The following SDK1 variants were observed in gnomAD, a reference collection of about 807,000 sequenced individuals.
SDK1 encodes the protein sidekick cell adhesion molecule 1, also known as protein sidekick-1.
Under a neutral mutation model 245.5 loss-of-function variants are expected in SDK1, and 157 were observed. That is an observed-to-expected ratio of 0.64 (90% confidence interval 0.56 to 0.73). The LOEUF is 0.73. Among genes scored for constraint, SDK1 ranks in the 30% least tolerant of loss-of-function variants. SDK1 has a pLI of 0.00. For synonymous variants in SDK1, 1,647 were observed against 1,278.5 expected, an observed-to-expected ratio of 1.29 and a Z score of -6.15; for missense variants, 3,583 against 3,002.3, an observed-to-expected ratio of 1.19 and a Z score of -4.52.
intron 4 of SDK1, among the ~76,000 whole-genome samples, chr7:3,702,048 A>G (rs1172673346): frequency 1.3e-5 from 2 of 152,172 alleles, no homozygotes; most frequent in African/African-American, 2.4e-5. Context: ...TTAAACTTTC[A>G]GAAGAATAAA....
chr7:3,946,245 A>G (rs1780573477), intron 5 of SDK1, among the ~76,000 whole-genome samples: 1 of 151,952 alleles, frequency 6.6e-6, no homozygotes, highest in Non-Finnish European at 1.5e-5. Flanking sequence ...TGGTGTGATC[A>G]TAGCTCACTG....
At chr7:4,052,621 T>C (rs116611489) in intron 19 of SDK1, among the ~76,000 whole-genome samples, 1,752 of 152,304 alleles carry the variant, frequency 0.012, 25 homozygotes, top group South Asian at 0.039. Flanking sequence ...TATAAAAATA[T>C]ACTGTATGAA....
chr7:3,672,921 C>G (rs1036356028), intron 4 of SDK1, among the ~76,000 whole-genome samples: 1 of 149,980 alleles, frequency 6.7e-6, no homozygotes, highest in Admixed American at 6.7e-5. Context: ...TATTCTAACT[C>G]TTGAAATGGT....
At chr7:4,019,188 A>C (rs1583845912) in intron 17 of SDK1, among the ~76,000 whole-genome samples, 1 of 152,220 alleles carries the variant, frequency 6.6e-6, no homozygotes, top group Non-Finnish European at 1.5e-5. Context: ...AAGTGCAGAC[A>C]GTTTATAGGA....
rs182848774 is a variant in SDK1 at position 3,581,977 on chromosome 7, C to T, written c.299-37103C>T. 6.3e-4 allele frequency among the ~76,000 whole-genome samples: 96 copies of T among 152,266 alleles called. 2 individuals carry two copies. The highest frequency in any genetic ancestry group is 4.2e-4 in the South Asian group (2 of 4,814). On this transcript the variant is annotated intron_variant, in intron 1 of 44. Coordinates refer to ENST00000404826, the MANE Select transcript of SDK1 (RefSeq NM_152744.4). ...TGGCCACATAGAGGGGAACAGACAC[C>T]GGGGCCTACTTGAGGGTGGAAGCCT...
intron 1 of SDK1, among the ~76,000 whole-genome samples, chr7:3,420,294 G>C (rs1779501550): frequency 6.6e-6 from 1 of 152,200 alleles, no homozygotes. Context: ...GATTTTAAAA[G>C]GTTAGATGCA....
intron 1 of SDK1, among the ~76,000 whole-genome samples, chr7:3,574,185 C>T (rs1046996884): frequency 1.3e-5 from 2 of 151,340 alleles, no homozygotes; most frequent in Admixed American, 6.6e-5. Context: ...GGCACAATCT[C>T]GGCTCACTGC....
At chr7:3,451,903 C>T (rs941166099) in intron 1 of SDK1, among the ~76,000 whole-genome samples, 2 of 152,128 alleles carry the variant, frequency 1.3e-5, no homozygotes, top group South Asian at 2.1e-4. Flanking sequence ...AGAGACTAGC[C>T]TCCAAATGGG....
rs1051311331 is a variant in SDK1, at chr7:4,035,070, C to G, written c.2603-14278C>G. Among the ~76,000 whole-genome samples, 9 of 152,188 alleles carry G rather than the reference C, an allele frequency of 5.9e-5. No homozygotes were observed. The South Asian group carries it at 1.7e-3, about 28-fold the overall frequency. On this transcript the variant is annotated intron_variant, in intron 17 of 44. Transcript: ENST00000404826. ...CTTGGCTCACCGCAACTTCCACCTC[C>G]CGGGTTCAAGCAATTCTCCTGCCTT...
intron 19 of SDK1, among the ~76,000 whole-genome samples, chr7:4,061,224 A>T (rs1298891294): frequency 6.6e-6 from 1 of 151,940 alleles, no homozygotes; most frequent in Non-Finnish European, 1.5e-5. Flanking sequence ...TCTATAAATT[A>T]CCTTGGGCAG....
In SDK1 at chr7:3,909,669, A is replaced by G. The variant is rs761715708; in HGVS notation, c.848-41254A>G. ...TCCAGTATGAGGCTGTATTATGTCT[A>G]AGGATACACAAATACACGGCTTTAA... On this transcript the variant is annotated intron_variant, in intron 5 of 44. Transcript: ENST00000404826. Among the ~76,000 whole-genome samples the G allele has an allele frequency of 1.3e-4, 20 of 152,194 alleles. 1 individual carries two copies. The highest frequency in any genetic ancestry group is 4.3e-4 in the African/African-American group (18 of 41,456).
chr7:3,578,699 T>G (rs1032847657), intron 1 of SDK1, among the ~76,000 whole-genome samples: 5 of 151,862 alleles, frequency 3.3e-5, no homozygotes, highest in Admixed American at 2.0e-4. Context: ...CTCTCCTGCT[T>G]GCACATCCGT....
At chr7:3,544,844 C>T (rs527578259) in intron 1 of SDK1, among the ~76,000 whole-genome samples, 18 of 152,280 alleles carry the variant, frequency 1.2e-4, no homozygotes, top group African/African-American at 4.3e-4. Flanking sequence ...TGTCACTGCT[C>T]GTCACAGTTA....
At chr7:3,624,208 T>C (rs1210681857) in intron 2 of SDK1, among the ~76,000 whole-genome samples, 1 of 152,200 alleles carries the variant, frequency 6.6e-6, no homozygotes, top group African/African-American at 2.4e-5. Context: ...TAGCTGATTT[T>C]ATTTTGCTGA....
intron 28 of SDK1, among the ~76,000 whole-genome samples, chr7:4,144,915 C>T (rs1186844699): frequency 2.6e-5 from 4 of 152,170 alleles, no homozygotes; most frequent in Non-Finnish European, 5.9e-5. Context: ...GGAGCTCAGC[C>T]GCTGGACCAC....
Position 4,138,935 on chromosome 7 carries a change from G to C in SDK1, c.4228+6512G>C, listed in dbSNP as rs1779276642. Among the ~76,000 whole-genome samples the C allele has an allele frequency of 2.6e-5, 4 of 152,206 alleles. No individual in the cohort carries two copies. In the South Asian group the frequency reaches 8.3e-4, roughly 31 times the overall value. On this transcript the variant is annotated intron_variant, in intron 28 of 44. Coordinates refer to ENST00000404826, the MANE Select transcript of SDK1 (RefSeq NM_152744.4). Reference sequence around the variant, plus strand: ...CCATCACCTGGGACTCTGCCCAGGGGCTTTCTGTGGCTGCCGGAGCCTGCT... The same window carrying C: ...CCATCACCTGGGACTCTGCCCAGGGCCTTTCTGTGGCTGCCGGAGCCTGCT...
At chr7:3,450,724 G>A (rs1383594529) in intron 1 of SDK1, among the ~76,000 whole-genome samples, 1 of 152,068 alleles carries the variant, frequency 6.6e-6, no homozygotes, top group Non-Finnish European at 1.5e-5. Context: ...GAAAAGAGTT[G>A]GAGATTTTGA....
intron 4 of SDK1, among the ~76,000 whole-genome samples, chr7:3,737,447 G>T (rs1350231551): frequency 1.3e-5 from 2 of 152,230 alleles, no homozygotes; most frequent in Non-Finnish European, 2.9e-5. Context: ...GCTAGGTGGG[G>T]CTTGGCTTTC....
chr7:3,419,929 C>G (rs970817793), intron 1 of SDK1, among the ~76,000 whole-genome samples: 4 of 152,108 alleles, frequency 2.6e-5, no homozygotes, highest in Non-Finnish European at 5.9e-5. Flanking sequence ...GGAAAATACG[C>G]AAAGCCGTTA....
Sources: gnomAD v4.1 joint callset for allele counts (sites outside exome capture counted in the v4.1 genomes callset) on GRCh38, gnomAD v4.1.1 for gene constraint, MANE v1.5 for transcripts, NCBI Gene and HGNC (gene_info 2026-07-23, HGNC 2026-07-21) for gene names.